The following SCNN1D variants were observed in gnomAD, a reference collection of about 807,000 sequenced individuals.
SCNN1D encodes the protein epithelial sodium channel subunit delta.
In SCNN1D, 104 loss-of-function variants were observed where a neutral mutation model predicts 87.8. The observed-to-expected ratio is 1.18, with a 90% CI of 1.01 to 1.39. The LOEUF is 1.39. SCNN1D is among the 40% of genes most tolerant of loss of function. The pLI, the probability that SCNN1D is intolerant of heterozygous loss-of-function variation, is 0.00. For missense variants in SCNN1D, 1,324 were observed against 1,093.9 expected, an observed-to-expected ratio of 1.21 and a Z score of -2.97; for synonymous variants, 628 against 481.2, an observed-to-expected ratio of 1.31 and a Z score of -3.99.
At chr1:1,282,078 G>C in intron 3 of SCNN1D, 164 bp from the exon 4 acceptor site, 1 of 620,614 alleles carries the variant, frequency 1.6e-6, no homozygotes, top group Non-Finnish European at 3.0e-6. Context: ...CTGTGTCCGG[G>C]GGCCCTGCCG....
At chr1:1,284,826 G>C (rs75320626) in intron 5 of SCNN1D, among the ~76,000 whole-genome samples, 1 of 152,118 alleles carries the variant, frequency 6.6e-6, no homozygotes, top group Non-Finnish European at 1.5e-5. Flanking sequence ...GCAGGGTGGG[G>C]TCCGGCTCCT....
At position 1,281,299 on chromosome 1, in the gene SCNN1D, T is replaced by C. The variant is rs1259504813; in HGVS notation, c.77+2T>C. On this transcript the variant is annotated splice_donor_variant, in intron 2 of 17. Transcript: ENST00000379116. LOFTEE classifies it high-confidence loss of function. ...CGGCCACCTCAGCGGCCCAAGGAGG[T>C]GAGCTCACAGCCATGCTCGGTCAAT... The C allele has an allele frequency of 6.5e-7, 1 of 1,535,518 alleles. No homozygotes were observed. Among genetic ancestry groups the C allele is most frequent in the Non-Finnish European group, 8.7e-7 (1 of 1,146,750 alleles).
At chr1:1,290,027 TCTGCTCCGTCCCGTGTCC>T (rs1289198241) in intron 12 of SCNN1D, among the ~76,000 whole-genome samples, 2 of 66,104 alleles carry the variant, frequency 3.0e-5, no homozygotes, top group Admixed American at 1.6e-4. Context: ...GTCCCGTGTC[TCTGCTCCGTCCCGTGTCC>T]CTGCTCCGTC....
Position 1,291,622 on chromosome 1 carries a change from C to G in SCNN1D, c.*12C>G, listed in dbSNP as rs1459988951. 6.7e-7 allele frequency: 1 copy of G among 1,501,378 alleles called. No individual in the cohort carries two copies. The highest frequency in any genetic ancestry group is 1.3e-5 in the South Asian group (1 of 76,124). 93.0% of individuals were successfully genotyped at this position (1,501,378 alleles called of 1,614,324 possible). A position where few individuals can be genotyped will look rare whatever the true frequency, so the allele number is the denominator to read the frequency against. On this transcript the variant is annotated 3_prime_UTR_variant, in exon 18 of 18. Coordinates refer to ENST00000379116, the MANE Select transcript of SCNN1D (RefSeq NM_001130413.4). Reference sequence around the variant, plus strand: ...CTCTGGACACCTGAACCAGACCTGCCAGGGCTGTGCGATCTCTTGGCCTGG... The same window carrying G: ...CTCTGGACACCTGAACCAGACCTGCGAGGGCTGTGCGATCTCTTGGCCTGG...
intron 4 of SCNN1D, 54 bp downstream of exon 4, chr1:1,282,369 G>T (rs1557579076): frequency 1.3e-6 from 2 of 1,541,482 alleles, no homozygotes; most frequent in Non-Finnish European, 1.8e-6. Flanking sequence ...ACCCTGTGGG[G>T]CTGGGCTCCC....
At chr1:1,288,690 C>T (rs147759439) in intron 12 of SCNN1D, among the ~76,000 whole-genome samples, 742 of 1,808 alleles carry the variant, frequency 0.41, 81 homozygotes, top group East Asian at 0.68. Flanking sequence ...GTCCCGTGTC[C>T]CTGCTCCGTC....
Position 1,291,729 on chromosome 1 carries a change from C to T in SCNN1D, c.*119C>T, listed in dbSNP as rs1057156411. 2.0e-5 allele frequency: 14 copies of T among 691,732 alleles called. No homozygotes were observed. In the African/African-American group the frequency reaches 2.6e-4, roughly 13 times the overall value. 42.8% of individuals were successfully genotyped at this position (691,732 alleles called of 1,614,324 possible). A position where few individuals can be genotyped will look rare whatever the true frequency, so the allele number is the denominator to read the frequency against. On this transcript the variant is annotated 3_prime_UTR_variant, in exon 18 of 18. Transcript: ENST00000379116. ...CAGCCCAGGAAGCAGCACACGCGGC[C>T]GTGGGGAGGCAGGCACCGGGCATGT...
Position 1,291,539 on chromosome 1 carries a change from G to A in SCNN1D, c.2338G>A (p.Gly780Arg), listed in dbSNP as rs1418593242. Residue 780 changes from glycine (G) to arginine (R), a missense_variant, in exon 18 of 18, where the codon GGG (glycine) becomes AGG (arginine). By Grantham distance (125) the Gly-to-Arg change is moderately radical. Transcript: ENST00000379116. ...TCATCTCCCACGGGTGATGCTTCCA[G>A]GGGTTCTGGCGGGAGTCTCAGCCGA... ...GPHLPRVMLP[G>R]VLAGVSAEES... 12 of 1,600,294 alleles carry A rather than the reference G, an allele frequency of 7.5e-6. No individual in the cohort carries two copies. Among genetic ancestry groups the A allele is most frequent in the Admixed American group, 6.8e-5 (4 of 59,074 alleles).
chr1:1,282,756 C>A (rs1164895784), intron 4 of SCNN1D, among the ~76,000 whole-genome samples: 4 of 142,602 alleles, frequency 2.8e-5, no homozygotes, highest in Admixed American at 1.4e-4. Flanking sequence ...GAATCACTTT[C>A]TTTTTTTTTT....
Position 1,287,563 on chromosome 1 carries a change from G to A in SCNN1D, c.1366G>A (p.Val456Ile), listed in dbSNP as rs781146105. 50 of 1,577,502 alleles carry A rather than the reference G, an allele frequency of 3.2e-5. 1 individual carries two copies. The highest frequency in any genetic ancestry group is 2.6e-4 in the South Asian group (22 of 85,670). ...CGGCAGCTGCTACACGGTCGATGGCGTCTGGACAGCTCAGCGCCCCGGCAT... is the reference window on the plus strand; with the variant it reads ...CGGCAGCTGCTACACGGTCGATGGCATCTGGACAGCTCAGCGCCCCGGCAT... ...TYGSCYTVDG[V>I]WTAQRPGITH... Residue 456 changes from valine to isoleucine, a missense_variant, in exon 10 of 18, where the codon GTC (valine) becomes ATC (isoleucine). By Grantham distance (29) the Val-to-Ile change is conservative. Transcript: ENST00000379116.
chr1:1,291,188 G>A (rs761659123), intron 17 of SCNN1D, 48 bp downstream of exon 17: 7 of 1,594,300 alleles, frequency 4.4e-6, no homozygotes, highest in South Asian at 2.2e-5. Context: ...AGCGACAGTG[G>A]CTGGCCCTGC....
intron 12 of SCNN1D, among the ~76,000 whole-genome samples, chr1:1,288,669 GTC>G (rs1640691080): frequency 2.9e-5 from 3 of 104,936 alleles, no homozygotes; most frequent in East Asian, 3.4e-4. Flanking sequence ...TCCGTCCCGT[GTC>G]TCTGCTCCGT....
At chr1:1,280,687 A>T (rs748801628) in intron 1 of SCNN1D, 21 bp downstream of exon 1, 14 of 701,574 alleles carry the variant, frequency 2.0e-5, no homozygotes, top group Non-Finnish European at 3.6e-5. Flanking sequence ...CTCCCTTCCC[A>T]TCACAGCTGA....
chr1:1,287,183 C>T lies in SCNN1D; in HGVS notation c.1194C>T (p.His398=), dbSNP rs1394621237. ...TGGCGGCTGTCCAGGACTGGTACCA[C>T]TTCCACTATGTGGATATCCTGGCCC... ...SGVAAVQDWY[H]FHYVDILALL... is the part of the protein sequence containing the mutation. The change falls in exon 9 of 18, where the codon CAC becomes CAT. Residue 398 remains histidine, a synonymous_variant. Transcript: ENST00000379116. The T allele has an allele frequency of 3.1e-6, 5 of 1,612,314 alleles. No homozygotes were observed. The highest frequency in any genetic ancestry group is 3.3e-4 in the Middle Eastern group (2 of 6,060).
intron 8 of SCNN1D, 24 bp downstream of exon 8, chr1:1,286,999 C>T (rs571122738): frequency 2.5e-6 from 4 of 1,604,040 alleles, no homozygotes; most frequent in Non-Finnish European, 3.4e-6. Flanking sequence ...CCGGGGCCTG[C>T]AGCCATCAGG....
Position 1,291,429 on chromosome 1 carries a change from C to T in SCNN1D, c.2228C>T (p.Ser743Leu). The change falls in exon 18 of 18, where the codon TCA (serine) becomes TTA (leucine). Residue 743 changes from serine (S) to leucine (L), a missense_variant. By Grantham distance (145) the Ser-to-Leu change is moderately radical (BLOSUM62 -2). Coordinates refer to ENST00000379116, the MANE Select transcript of SCNN1D (RefSeq NM_001130413.4). ...TCCTGGCCCAGAGCCAGCCCTGCCT[C>T]AGGGGCGTCCAGCATCAAGCCAGAG... ...WFSWPRASPA[S>L]GASSIKPEAS... The T allele has an allele frequency of 6.2e-7, 1 of 1,606,954 alleles. No homozygotes were observed. The highest frequency in any genetic ancestry group is 1.1e-5 in the South Asian group (1 of 90,494).
intron 14 of SCNN1D, 22 bp downstream of exon 14, chr1:1,290,577 C>T (rs546269423): frequency 1.6e-5 from 26 of 1,612,420 alleles, no homozygotes; most frequent in Admixed American, 1.2e-4. Context: ...GTGTTGGGGT[C>T]GCGGCCAGGG....
At position 1,285,965 on chromosome 1, in the gene SCNN1D, G is replaced by GCACCAC; in HGVS notation, c.609_614dup (p.Pro204_Pro205dup). 6.4e-7 allele frequency: 1 copy of GCACCAC among 1,560,036 alleles called. No homozygotes were observed. The highest frequency in any genetic ancestry group is 2.4e-5 in the East Asian group (1 of 41,768). On this transcript the variant is annotated inframe_insertion, in exon 7 of 18. Coordinates refer to ENST00000379116, the MANE Select transcript of SCNN1D (RefSeq NM_001130413.4). ...GCCCCCCAGGCCGGGGCCACCATCA[G>GCACCAC]CACCACCACCACCACCCAAGGAGGG... is the stretch of plus-strand genomic sequence containing the variant.
At position 1,290,348 on chromosome 1, in the gene SCNN1D, G is replaced by A. The variant is rs202232052; in HGVS notation, c.1740G>A (p.Ala580=). 3.9e-4 allele frequency: 615 copies of A among 1,596,580 alleles called. No individual in the cohort carries two copies. The highest frequency in any genetic ancestry group is 2.8e-3 in the South Asian group (247 of 88,956). Residue 580 remains alanine (A), a synonymous_variant, in exon 13 of 18, where the codon GCG becomes GCA. Transcript: ENST00000379116. ...SCGYYLHPLP[A]GAEYCSSARH... is the part of the protein sequence containing the mutation. The stretch of plus-strand genomic sequence containing the variant: ...GCTACTACCTCCACCCTCTGCCGGC[G>A]GGGGCTGAGTACTGCAGCTCTGCCC...
Sources: allele counts gnomAD v4.1 joint callset (sites outside exome capture counted in the v4.1 genomes callset), GRCh38; gene constraint gnomAD v4.1.1; transcripts MANE v1.5; gene names NCBI Gene and HGNC (gene_info 2026-07-23, HGNC 2026-07-21).